The following PPP2R1B variants were observed in gnomAD, a reference collection of about 807,000 sequenced individuals.
PPP2R1B encodes protein phosphatase 2 scaffold subunit Abeta, also known as serine/threonine-protein phosphatase 2A 65 kDa regulatory subunit A beta isoform.
A neutral mutation model predicts 72.7 loss-of-function variants in PPP2R1B; 58 were observed. The ratio of observed to expected loss-of-function variants is 0.80; its 90% CI spans 0.65 to 0.99. The LOEUF (loss-of-function observed/expected upper bound fraction) is 0.99, where lower values mean the gene tolerates loss of function less well. Ranked by LOEUF, PPP2R1B falls within the 50% of genes least tolerant of loss-of-function variation. The pLI, the probability that PPP2R1B is intolerant of heterozygous loss-of-function variation, is 0.00. For missense variants in PPP2R1B, 695 were observed against 733.6 expected, an observed-to-expected ratio of 0.95 and a Z score of 0.61; for synonymous variants, 256 against 264.6, an observed-to-expected ratio of 0.97 and a Z score of 0.32.
At chr11:111,752,072 C>T (rs1944926561) in intron 10 of PPP2R1B, 87 bp downstream of exon 10, 2 of 1,376,018 alleles carry the variant, frequency 1.5e-6, no homozygotes, top group Non-Finnish European at 9.8e-7. Flanking sequence ...CAAACATAAG[C>T]ATACAGGCTA....
chr11:111,724,367 C>T (rs557818060), downstream of PPP2R1B: 1 of 559,572 alleles, frequency 1.8e-6, no homozygotes, highest in East Asian at 3.2e-5. Context: ...AGGCTCCTGC[C>T]CTTCGGTCGA....
intron 8 of PPP2R1B, 67 bp downstream of exon 8, chr11:111,754,432 C>CA: frequency 6.5e-7 from 1 of 1,544,026 alleles, no homozygotes; most frequent in Non-Finnish European, 8.7e-7. Flanking sequence ...AACAAACAAA[C>CA]AAAAATAATG....
the PPP2R1B span, among the ~76,000 whole-genome samples, chr11:111,721,479 T>C: frequency 6.6e-6 from 1 of 152,334 alleles, no homozygotes; most frequent in Non-Finnish European, 1.5e-5. Flanking sequence ...GGATTATTCA[T>C]ACTAAAAATA....
intron 7 of PPP2R1B, 114 bp downstream of exon 7, chr11:111,754,865 AC>A (rs552598522): frequency 1.0e-6 from 1 of 963,578 alleles, no homozygotes; most frequent in Non-Finnish European, 1.5e-6. Context: ...CACACTAAAA[AC>A]ATCCCTATGT....
chr11:111,765,699 A>G lies in PPP2R1B; in HGVS notation c.115-315T>C, dbSNP rs560845444. On this transcript the variant is annotated intron_variant, in intron 1 of 14. Transcript: ENST00000527614. ...ACTTTGGCAGTGGTGAAGCAGGTGA[A>G]ACGGTTGAATACAACACCTGTGGTT... The G allele has an allele frequency of 2.5e-4, 124 of 501,030 alleles. 1 individual carries two copies. Among genetic ancestry groups the G allele is most frequent in the South Asian group, 1.9e-3 (120 of 64,788 alleles). The allele number at this position is 501,030 out of a possible 1,614,324, so 31.0% of individuals were successfully genotyped here.
intron 11 of PPP2R1B, among the ~76,000 whole-genome samples, chr11:111,747,619 G>A (rs1944750602): frequency 6.6e-6 from 1 of 152,162 alleles, no homozygotes; most frequent in Admixed American, 6.5e-5. Flanking sequence ...GTGTATAGCT[G>A]CTGAAGACAC....
chr11:111,754,724 ACT>A (rs1193758166), intron 7 of PPP2R1B, among the ~76,000 whole-genome samples, 155 bp from the exon 8 acceptor site: 2 of 152,050 alleles, frequency 1.3e-5, no homozygotes, highest in Admixed American at 6.6e-5. Flanking sequence ...TTTTTCGTGA[ACT>A]CTCTATGCCA....
chr11:111,731,790 C>A (rs942406643), intron 15 of PPP2R1B, among the ~76,000 whole-genome samples: 1 of 152,204 alleles, frequency 6.6e-6, no homozygotes, highest in African/African-American at 2.4e-5. Context: ...GGTGGTTACC[C>A]CTTGGCTACC....
rs1944155329 is a variant in PPP2R1B at position 111,730,573 on chromosome 11, G to T, written c.1912-3516C>A. On this transcript the variant is annotated intron_variant, in intron 15 of 15. Transcript: ENST00000311129. ...TACTTTTGATAAAGTTAATCTAACT[G>T]TAGTTATATTTTCTGTGTGCTTTTT... 4 of 152,070 alleles carry T rather than the reference G, an allele frequency of 2.6e-5. No homozygotes were observed. In the South Asian group the frequency reaches 8.3e-4, roughly 32 times the overall value. 9.4% of individuals were successfully genotyped at this position (152,070 alleles called of 1,614,324 possible). A position where few individuals can be genotyped will look rare whatever the true frequency, so the allele number is the denominator to read the frequency against.
At chr11:111,705,914 CAT>C in the PPP2R1B span, among the ~76,000 whole-genome samples, 2 of 152,128 alleles carry the variant, frequency 1.3e-5, no homozygotes, top group African/African-American at 4.8e-5. This position sits in a 1 kb window ranked among gnomAD's most constrained non-coding sequence, Gnocchi z 4.3. Context: ...GGCTTAAACT[CAT>C]ATGGCACTGT....
intron 3 of PPP2R1B, among the ~76,000 whole-genome samples, chr11:111,763,868 C>A (rs11213999): frequency 0.12 from 18,134 of 149,798 alleles, 2,498 homozygotes; most frequent in African/African-American, 0.34. Context: ...CTCTCTCTCT[C>A]TATATATATA....
chr11:111,704,016 A>G, the PPP2R1B span, among the ~76,000 whole-genome samples: 1 of 152,242 alleles, frequency 6.6e-6, no homozygotes, highest in Non-Finnish European at 1.5e-5. Context: ...TTACGATAGT[A>G]AAAAAGCAAA....
At position 111,738,700 on chromosome 11, in the gene PPP2R1B, C is replaced by T; in HGVS notation, c.*2896G>A. 2 of 985,458 alleles carry T rather than the reference C, an allele frequency of 2.0e-6. No individual in the cohort carries two copies. The highest frequency in any genetic ancestry group is 2.4e-6 in the Non-Finnish European group (2 of 829,960). 61.0% of individuals were successfully genotyped at this position (985,458 alleles called of 1,614,324 possible). On this transcript the variant is annotated 3_prime_UTR_variant, in exon 15 of 15. Coordinates refer to ENST00000527614, the MANE Select transcript of PPP2R1B (RefSeq NM_002716.5). The stretch of plus-strand genomic sequence containing the variant: ...ACCTCGTTAGAAACCACATATTCAC[C>T]TGCCTTCCTTCTTATGAAACAAGAT...
At chr11:111,699,281 C>G in the PPP2R1B span, among the ~76,000 whole-genome samples, 1 of 152,306 alleles carries the variant, frequency 6.6e-6, no homozygotes, top group South Asian at 2.1e-4. Context: ...GATGTACCCT[C>G]TTTTCTCTCC....
At chr11:111,745,956 G>A (rs1944689955) in intron 11 of PPP2R1B, among the ~76,000 whole-genome samples, 1 of 152,132 alleles carries the variant, frequency 6.6e-6, no homozygotes, top group Admixed American at 6.5e-5. Context: ...TTATTTCATT[G>A]GTTCATGGAA....
chr11:111,753,548 G>A lies in PPP2R1B; in HGVS notation c.1059C>T (p.Val353=), dbSNP rs116225074. 2 of 1,612,112 alleles carry A rather than the reference G, an allele frequency of 1.2e-6. No homozygotes were observed. The highest frequency in any genetic ancestry group is 1.7e-6 in the Non-Finnish European group (2 of 1,179,038). The stretch of plus-strand genomic sequence containing the variant: ...TAATTACAGAAGCTAGAGCCGATTT[G>A]ACATGTTGATTGGTATCGGATACTA... The part of the protein sequence containing the change: ...KELVSDTNQH[V]KSALASVIMG... Residue 353 remains valine (V), a synonymous_variant, in exon 9 of 15, where the codon GTC becomes GTT. Coordinates refer to ENST00000527614, the MANE Select transcript of PPP2R1B (RefSeq NM_002716.5).
At chr11:111,761,885 G>A (rs1462154578) in intron 3 of PPP2R1B, among the ~76,000 whole-genome samples, 5 of 152,178 alleles carry the variant, frequency 3.3e-5, no homozygotes, top group African/African-American at 1.2e-4. Flanking sequence ...ACTTGAACCC[G>A]GGAGGCAGAG....
the PPP2R1B span, among the ~76,000 whole-genome samples, chr11:111,700,256 A>T: frequency 6.6e-6 from 1 of 152,206 alleles, no homozygotes; most frequent in Non-Finnish European, 1.5e-5. Context: ...TGCCACTGCG[A>T]TCCATAAATT....
At chr11:111,719,782 G>T in the PPP2R1B span, 9 of 1,613,028 alleles carry the variant, frequency 5.6e-6, no homozygotes, top group Non-Finnish European at 7.6e-6. Flanking sequence ...TAGGTCAATG[G>T]CTGTCTGCTT....
Sources: gnomAD v4.1 joint callset for allele counts (sites outside exome capture counted in the v4.1 genomes callset) on GRCh38, gnomAD v4.1.1 for gene constraint, Gnocchi (gnomAD v3.1) non-coding constraint, MANE v1.5 for transcripts, NCBI Gene and HGNC (gene_info 2026-07-23, HGNC 2026-07-21) for gene names.